The following MYO3A variants were observed in gnomAD, a reference collection of about 807,000 sequenced individuals.
MYO3A encodes the protein myosin IIIA.
Under a neutral mutation model 192.7 loss-of-function variants are expected in MYO3A, and 180 were observed. The observed-to-expected ratio is 0.93, with a 90% CI of 0.83 to 1.06. MYO3A has a LOEUF of 1.06. Among genes scored for constraint, MYO3A ranks in the 50% least tolerant of loss-of-function variants. MYO3A has a pLI of 0.00. For missense variants in MYO3A, 1,896 were observed against 1,905.0 expected (o/e 1.00, Z 0.09); for synonymous variants, 628 against 645.3 (o/e 0.97, Z 0.41).
chr10:26,000,652 G>A (rs1388299150), intron 6 of MYO3A, among the ~76,000 whole-genome samples: 2 of 135,578 alleles, frequency 1.5e-5, no homozygotes, highest in African/African-American at 2.7e-5. Flanking sequence ...AGATCAAACA[G>A]GGTGAAGCAG....
chr10:26,174,653 A>G (rs1278607661), intron 30 of MYO3A, 96 bp downstream of exon 30: 12 of 1,040,266 alleles, frequency 1.2e-5, no homozygotes, highest in East Asian at 2.6e-5. Flanking sequence ...AGATTGTTTT[A>G]TCTGCGTTGA....
chr10:26,099,830 T>C (rs1188525038), intron 17 of MYO3A, among the ~76,000 whole-genome samples: 2 of 152,168 alleles, frequency 1.3e-5, no homozygotes, highest in Admixed American at 1.3e-4. Flanking sequence ...TTATTGAGGA[T>C]TTTTGCATCG....
chr10:25,971,016 G>A (rs559406528), intron 4 of MYO3A, among the ~76,000 whole-genome samples: 1 of 152,198 alleles, frequency 6.6e-6, no homozygotes, highest in Non-Finnish European at 1.5e-5. Flanking sequence ...GAGAGATATA[G>A]AAATATTATT....
Position 25,994,215 on chromosome 10 carries a change from T to C in MYO3A, c.304-2275T>C, listed in dbSNP as rs540870691. Among the ~76,000 whole-genome samples the C allele has an allele frequency of 3.3e-5, 5 of 152,208 alleles. No individual in the cohort carries two copies. The East Asian group carries it at 9.6e-4, about 29-fold the overall frequency. Reference sequence around the variant, plus strand: ...GGTGCTCCTGTATTGGGTGCGTATATATTTAGGATAGTTAGCTCTTCTTGT... The same window carrying C: ...GGTGCTCCTGTATTGGGTGCGTATACATTTAGGATAGTTAGCTCTTCTTGT... On this transcript the variant is annotated intron_variant, in intron 4 of 34. Transcript: ENST00000642920.
intron 28 of MYO3A, among the ~76,000 whole-genome samples, chr10:26,169,832 G>T (rs1841954615): frequency 6.6e-6 from 1 of 152,140 alleles, no homozygotes; most frequent in African/African-American, 2.4e-5. Flanking sequence ...TGATAAAAAG[G>T]TTCTTCATAG....
At chr10:26,169,112 CA>C (rs1293389702) in intron 28 of MYO3A, among the ~76,000 whole-genome samples, 1 of 152,098 alleles carries the variant, frequency 6.6e-6, no homozygotes, top group Non-Finnish European at 1.5e-5. Context: ...ATTAATGGAA[CA>C]CAATTGACCT....
chr10:26,132,784 G>A (rs1484756809), intron 20 of MYO3A, among the ~76,000 whole-genome samples: 1 of 152,002 alleles, frequency 6.6e-6, no homozygotes, highest in Non-Finnish European at 1.5e-5. Context: ...AGTTTTAGAA[G>A]CAGGAAACTA....
chr10:26,192,656 T>A (rs1394470125), intron 31 of MYO3A, among the ~76,000 whole-genome samples: 1 of 16,136 alleles, frequency 6.2e-5, no homozygotes, highest in Non-Finnish European at 1.3e-4. Flanking sequence ...CTTTCTTTCC[T>A]TTTTTTTTTT....
At chr10:26,065,454 C>T (rs1834759844) in intron 10 of MYO3A, among the ~76,000 whole-genome samples, 1 of 151,642 alleles carries the variant, frequency 6.6e-6, no homozygotes, top group South Asian at 2.1e-4. Context: ...AGCGTGGTGG[C>T]CACGCCTGTA....
In MYO3A at chr10:26,078,130, C is replaced by CTTTTTTTTTTTT. The variant is rs57336459; in HGVS notation, c.1359+7733_1359+7744dup. Among the ~76,000 whole-genome samples the CTTTTTTTTTTTT allele has an allele frequency of 1.0e-3, 123 of 122,190 alleles. 2 individuals carry two copies. The highest frequency in any genetic ancestry group is 2.5e-3 in the African/African-American group (79 of 32,058). 80.2% of individuals were successfully genotyped at this position (122,190 alleles called of 152,430 possible). The stretch of plus-strand genomic sequence containing the variant: ...TGCTGTGAATCCATCTGGTCCTGGA[C>CTTTTTTTTTTTT]TTTTTTTTTTTTTTTGGTAATTTTA... On this transcript the variant is annotated intron_variant, in intron 14 of 34. Coordinates refer to ENST00000642920, the MANE Select transcript of MYO3A (RefSeq NM_017433.5).
intron 4 of MYO3A, among the ~76,000 whole-genome samples, chr10:25,972,385 A>G (rs1838708037): frequency 6.6e-6 from 1 of 152,016 alleles, no homozygotes; most frequent in African/African-American, 2.4e-5. Context: ...TTCTTTAAAC[A>G]TATTTATATC....
intron 29 of MYO3A, among the ~76,000 whole-genome samples, chr10:26,173,326 C>T (rs1279410602): frequency 2.0e-5 from 3 of 152,160 alleles, no homozygotes; most frequent in Non-Finnish European, 4.4e-5. Flanking sequence ...CATCTCACTA[C>T]TAAAGGTACT....
intron 4 of MYO3A, among the ~76,000 whole-genome samples, chr10:25,992,084 A>T (rs1840069684): frequency 6.6e-6 from 1 of 152,136 alleles, no homozygotes; most frequent in South Asian, 2.1e-4. Context: ...GATGGCACTG[A>T]ATCTGTAAAT....
intron 4 of MYO3A, among the ~76,000 whole-genome samples, chr10:25,961,396 G>A (rs1032125101): frequency 3.3e-5 from 5 of 152,084 alleles, no homozygotes; most frequent in African/African-American, 7.2e-5. Flanking sequence ...TTTTGAGAGA[G>A]CAGATTGATT....
intron 6 of MYO3A, 37 bp from the exon 7 acceptor site, chr10:26,016,783 A>C: frequency 6.3e-7 from 1 of 1,591,226 alleles, no homozygotes; most frequent in East Asian, 2.2e-5. Flanking sequence ...TATATGAGTA[A>C]TTAATGCAAA....
intron 4 of MYO3A, among the ~76,000 whole-genome samples, chr10:25,976,706 T>A (rs1311210586): frequency 6.6e-6 from 1 of 152,174 alleles, no homozygotes; most frequent in Non-Finnish European, 1.5e-5. Context: ...AGGAAAATTA[T>A]ACTTCAATTT....
intron 14 of MYO3A, among the ~76,000 whole-genome samples, chr10:26,075,660 A>C (rs1835498431): frequency 9.3e-6 from 1 of 107,662 alleles, no homozygotes; most frequent in African/African-American, 3.0e-5. Flanking sequence ...TGTCTCTCAT[A>C]TATATATGAT....
At chr10:25,991,432 G>C (rs2130862081) in intron 4 of MYO3A, among the ~76,000 whole-genome samples, 1 of 152,234 alleles carries the variant, frequency 6.6e-6, no homozygotes, top group African/African-American at 2.4e-5. Context: ...CAGATGAGTA[G>C]ATTGCAAAAA....
chr10:25,980,044 G>A (rs1839224110), intron 4 of MYO3A, among the ~76,000 whole-genome samples: 1 of 152,114 alleles, frequency 6.6e-6, no homozygotes, highest in African/African-American at 2.4e-5. Context: ...AGACCATCCT[G>A]GATAACACGG....
Sources: gnomAD v4.1 joint callset for allele counts (sites outside exome capture counted in the v4.1 genomes callset) on GRCh38, gnomAD v4.1.1 for gene constraint, MANE v1.5 for transcripts, NCBI Gene and HGNC (gene_info 2026-07-23, HGNC 2026-07-21) for gene names.